Variants in PTPRM observed in about 807,000 individuals in gnomAD.
The protein encoded by PTPRM is receptor-type tyrosine-protein phosphatase mu.
PTPRM carries 47 observed loss-of-function variants against 186.7 expected under a neutral mutation model. That is an observed-to-expected ratio of 0.25 (90% CI 0.20 to 0.32). PTPRM has a LOEUF of 0.32. Ranked by LOEUF, PTPRM falls within the 10% of genes least tolerant of loss-of-function variation. PTPRM has a pLI of 1.00. For missense variants in PTPRM, 1,494 were observed against 1,865.0 expected, an observed-to-expected ratio of 0.80 and a Z score of 3.66; for synonymous variants, 668 against 674.9, an observed-to-expected ratio of 0.99 and a Z score of 0.16.
intron 1 of PTPRM, among the ~76,000 whole-genome samples, chr18:7,604,881 T>C (rs1408705318): frequency 6.6e-6 from 1 of 152,232 alleles, no homozygotes; most frequent in African/African-American, 2.4e-5. Context: ...AAAATAGTTC[T>C]AATATGCTCA....
chr18:7,618,687 C>A (rs553618047), intron 1 of PTPRM, among the ~76,000 whole-genome samples: 1 of 152,176 alleles, frequency 6.6e-6, no homozygotes, highest in East Asian at 1.9e-4. Context: ...ATTTGTGATG[C>A]CTTTTACTTC....
chr18:7,763,334 T>C (rs1361169817), intron 1 of PTPRM, among the ~76,000 whole-genome samples: 2 of 152,224 alleles, frequency 1.3e-5, no homozygotes, highest in African/African-American at 4.8e-5. Flanking sequence ...AGTTCATATT[T>C]CTAATTTCTT....
At position 8,295,310 on chromosome 18, in the gene PTPRM, A is replaced by G. The variant is rs575613779; in HGVS notation, c.2755-1058A>G. On this transcript the variant is annotated intron_variant, in intron 19 of 32. Transcript: ENST00000580170. ...ATACATTCTACCTAGCGACAGACTA[A>G]TCTGAAAATATTGTAAATGGTGGAA... 8.5e-5 allele frequency among the ~76,000 whole-genome samples: 13 copies of G among 152,304 alleles called. No homozygotes were observed. In the South Asian group the frequency reaches 2.5e-3, roughly 29 times the overall value.
intron 1 of PTPRM, among the ~76,000 whole-genome samples, chr18:7,689,820 T>C (rs2039694764): frequency 6.6e-6 from 1 of 152,246 alleles, no homozygotes; most frequent in Non-Finnish European, 1.5e-5. Context: ...AAAATAATAT[T>C]CTTAATTCAT....
intron 1 of PTPRM, among the ~76,000 whole-genome samples, chr18:7,739,139 A>G (rs2040836866): frequency 8.8e-6 from 1 of 113,958 alleles, no homozygotes; most frequent in Non-Finnish European, 1.9e-5. Context: ...CTCAAAAATG[A>G]CAGTTTTTTT....
intron 1 of PTPRM, among the ~76,000 whole-genome samples, chr18:7,655,402 G>C (rs1252067355): frequency 6.6e-6 from 1 of 152,114 alleles, no homozygotes. Flanking sequence ...CACTTACAAT[G>C]CCAAATGCTG....
chr18:7,734,007 A>G lies in PTPRM; in HGVS notation c.74-40142A>G, dbSNP rs9953627. ...TGCCTCTATGACTACCTTACCTACC[A>G]TAGAGATGAAGGTTCCTCACACTAA... On this transcript the variant is annotated intron_variant, in intron 1 of 32. Coordinates refer to ENST00000580170, the MANE Select transcript of PTPRM (RefSeq NM_001105244.2). 5.1e-3 allele frequency among the ~76,000 whole-genome samples: 781 copies of G among 152,304 alleles called. 4 individuals are homozygous for G. Among genetic ancestry groups the G allele is most frequent in the African/African-American group, 0.018 (748 of 41,578 alleles).
chr18:7,590,960 A>G (rs140919212), intron 1 of PTPRM, among the ~76,000 whole-genome samples: 9 of 152,336 alleles, frequency 5.9e-5, no homozygotes, highest in Admixed American at 1.3e-4. Flanking sequence ...TTTTGAATCC[A>G]TGAGTGTTTA....
chr18:8,389,904 C>T lies in PTPRM; in HGVS notation c.4208+2669C>T, dbSNP rs141698096. ...GCTTTGAAGTGAATGGTTCCTTGAGCCACAGATATTCAAGGTAGGCAAATA... is the reference window on the plus strand; with the variant it reads ...GCTTTGAAGTGAATGGTTCCTTGAGTCACAGATATTCAAGGTAGGCAAATA... On this transcript the variant is annotated intron_variant, in intron 31 of 32. Coordinates refer to ENST00000580170, the MANE Select transcript of PTPRM (RefSeq NM_001105244.2). Among the ~76,000 whole-genome samples, 12 of 152,198 alleles carry T rather than the reference C, an allele frequency of 7.9e-5. No individual in the cohort carries two copies. The East Asian group carries it at 2.3e-3, about 29-fold the overall frequency.
At chr18:7,888,455 A>G in intron 3 of PTPRM, 78 bp downstream of exon 3, 1 of 1,433,668 alleles carries the variant, frequency 7.0e-7, no homozygotes, top group Non-Finnish European at 9.3e-7. Context: ...ATATCATTAT[A>G]ATCAGAAAAG....
At chr18:8,332,261 T>G (rs1488744292) in intron 22 of PTPRM, among the ~76,000 whole-genome samples, 1 of 152,078 alleles carries the variant, frequency 6.6e-6, no homozygotes, top group African/African-American at 2.4e-5. Context: ...AAAGAGAAAA[T>G]AGATGATGGT....
At position 7,699,861 on chromosome 18, in the gene PTPRM, A is replaced by G. The variant is rs567964810; in HGVS notation, c.74-74288A>G. On this transcript the variant is annotated intron_variant, in intron 1 of 32. Transcript: ENST00000580170. Reference sequence around the variant, plus strand: ...TTTATTTTTCACATTTACACTTGCAATCCATCTGGAATTGGTTTTTGTGAA... The same window carrying G: ...TTTATTTTTCACATTTACACTTGCAGTCCATCTGGAATTGGTTTTTGTGAA... Among the ~76,000 whole-genome samples the G allele has an allele frequency of 8.5e-5, 13 of 152,078 alleles. No individual in the cohort carries two copies. The East Asian group carries it at 1.5e-3, about 18-fold the overall frequency.
chr18:8,319,426 A>G (rs1318830557), intron 22 of PTPRM, among the ~76,000 whole-genome samples: 2 of 152,230 alleles, frequency 1.3e-5, no homozygotes, highest in Non-Finnish European at 2.9e-5. Flanking sequence ...AAATGTGTCC[A>G]TCAATTCCTT....
At chr18:8,126,916 G>A (rs1271066567) in intron 13 of PTPRM, among the ~76,000 whole-genome samples, 1 of 152,094 alleles carries the variant, frequency 6.6e-6, no homozygotes, top group Non-Finnish European at 1.5e-5. Context: ...AAGGATGTGT[G>A]GGGTGAGCAG....
intron 19 of PTPRM, among the ~76,000 whole-genome samples, chr18:8,283,267 C>G (rs1233349823): frequency 6.6e-6 from 1 of 152,196 alleles, no homozygotes; most frequent in African/African-American, 2.4e-5. Context: ...TGGAAGCTCT[C>G]CATACCATCC....
At chr18:7,614,035 T>C (rs990085238) in intron 1 of PTPRM, among the ~76,000 whole-genome samples, 1 of 152,154 alleles carries the variant, frequency 6.6e-6, no homozygotes, top group Non-Finnish European at 1.5e-5. Flanking sequence ...CATTTAACAA[T>C]GGGGTCTGCC....
intron 14 of PTPRM, among the ~76,000 whole-genome samples, chr18:8,231,604 AT>A (rs1397331996): frequency 6.6e-6 from 1 of 152,032 alleles, no homozygotes; most frequent in South Asian, 2.1e-4. Context: ...ACTTTTAAAC[AT>A]TTTTACTGTA....
chr18:7,925,697 T>G (rs997993562), intron 4 of PTPRM, among the ~76,000 whole-genome samples: 3 of 152,184 alleles, frequency 2.0e-5, no homozygotes, highest in Non-Finnish European at 4.4e-5. Context: ...GGAAGCACTC[T>G]GCTGTGCCCA....
At chr18:7,935,808 T>G (rs989025515) in intron 5 of PTPRM, among the ~76,000 whole-genome samples, 2 of 152,112 alleles carry the variant, frequency 1.3e-5, no homozygotes, top group African/African-American at 2.4e-5. Context: ...TTTTTGACCC[T>G]CACCTTCCTC....
Sources: allele counts gnomAD v4.1 joint callset (sites outside exome capture counted in the v4.1 genomes callset), GRCh38; gene constraint gnomAD v4.1.1; transcripts MANE v1.5; gene names NCBI Gene and HGNC (gene_info 2026-07-23, HGNC 2026-07-21).